GPC4: variants seen among roughly 807,000 people sequenced by gnomAD.
The protein encoded by GPC4 is glypican-4.
GPC4 carries 10 observed loss-of-function variants against 35.0 expected under a neutral mutation model. The ratio of observed to expected loss-of-function variants is 0.29; its 90% CI spans 0.18 to 0.48. The LOEUF is 0.48. GPC4 is among the 20% of genes least tolerant of loss of function. GPC4 has a pLI of 0.99. For synonymous variants in GPC4, 167 were observed against 170.2 expected (o/e 0.98, Z 0.15); for missense variants, 322 against 451.3 (o/e 0.71, Z 2.60).
intron 1 of GPC4, among the ~76,000 whole-genome samples, chrX:133,387,791 G>A (rs1253833294): frequency 8.9e-6 from 1 of 111,744 alleles, no homozygotes; most frequent in Non-Finnish European, 1.9e-5. Flanking sequence ...GACTTCTGAG[G>A]TCATAGCTTT....
At chrX:133,333,397 C>T (rs974806428) in intron 2 of GPC4, among the ~76,000 whole-genome samples, 1 of 112,900 alleles carries the variant, frequency 8.9e-6, no homozygotes, top group Non-Finnish European at 1.9e-5. Flanking sequence ...GCTGCACATG[C>T]ATTTTCAATC....
At chrX:133,353,105 T>G (rs1432568394) in intron 1 of GPC4, among the ~76,000 whole-genome samples, 1 of 111,841 alleles carries the variant, frequency 8.9e-6, no homozygotes, top group Non-Finnish European at 1.9e-5. Context: ...CATCTTCAGA[T>G]AACCCTAACC....
chrX:133,315,155 T>C (rs1416344329), intron 3 of GPC4, among the ~76,000 whole-genome samples: 1 of 108,058 alleles, frequency 9.3e-6, no homozygotes, highest in East Asian at 2.9e-4. Context: ...ATAATTATGG[T>C]TTGAGCATCC....
intron 1 of GPC4, among the ~76,000 whole-genome samples, chrX:133,377,109 G>A (rs910557341): frequency 1.8e-5 from 2 of 111,633 alleles, no homozygotes; most frequent in Non-Finnish European, 3.8e-5. Context: ...CTAGTTCCTC[G>A]AGACCCTCGG....
chrX:133,307,311 T>C (rs2068294842), intron 4 of GPC4, among the ~76,000 whole-genome samples: 1 of 112,098 alleles, frequency 8.9e-6, no homozygotes, highest in Non-Finnish European at 1.9e-5. Flanking sequence ...GAAAGCAGCA[T>C]AGGCATCAGC....
intron 1 of GPC4, among the ~76,000 whole-genome samples, chrX:133,376,484 T>C (rs1022280685): frequency 6.2e-5 from 7 of 112,764 alleles, no homozygotes; most frequent in African/African-American, 1.6e-4. Context: ...ACCTCCATGA[T>C]GGAATCTAAC....
intron 3 of GPC4, among the ~76,000 whole-genome samples, chrX:133,313,152 C>T (rs1427854726): frequency 9.0e-6 from 1 of 111,574 alleles, no homozygotes; most frequent in Non-Finnish European, 1.9e-5. Context: ...ACTTCACCTG[C>T]TCTGGAGTGT....
intron 1 of GPC4, chrX:133,414,564 A>T: frequency 4.0e-6 from 3 of 753,521 alleles, no homozygotes; most frequent in Non-Finnish European, 4.7e-6. Context: ...CGCACTGGGC[A>T]ACCCGGCGGC....
At chrX:133,367,747 A>G (rs56219440) in intron 1 of GPC4, among the ~76,000 whole-genome samples, 294 of 111,886 alleles carry the variant, frequency 2.6e-3, no homozygotes, top group Middle Eastern at 0.014. Flanking sequence ...GCCTGCCTGT[A>G]GTCCCAGCTA....
At chrX:133,335,430 G>A (rs1302385872) in intron 2 of GPC4, among the ~76,000 whole-genome samples, 2 of 110,777 alleles carry the variant, frequency 1.8e-5, no homozygotes, top group East Asian at 2.8e-4. Flanking sequence ...TCTCTTGTAC[G>A]TCACCCAAAT....
At chrX:133,334,864 A>G (rs775735736) in intron 2 of GPC4, among the ~76,000 whole-genome samples, 1 of 112,661 alleles carries the variant, frequency 8.9e-6, no homozygotes, top group African/African-American at 3.2e-5. Flanking sequence ...ACAGTTTGAT[A>G]CAGGCAGTTA....
At chrX:133,356,875 A>G (rs1603079702) in intron 1 of GPC4, among the ~76,000 whole-genome samples, 1 of 111,648 alleles carries the variant, frequency 9.0e-6, no homozygotes. Flanking sequence ...GAAACTCAAG[A>G]GAACAGAAAA....
intron 6 of GPC4, among the ~76,000 whole-genome samples, chrX:133,305,125 C>T (rs2068285199): frequency 8.9e-6 from 1 of 111,904 alleles, no homozygotes; most frequent in Non-Finnish European, 1.9e-5. Flanking sequence ...GCCTACCAGT[C>T]TCCATGCCCT....
intron 1 of GPC4, among the ~76,000 whole-genome samples, chrX:133,375,942 C>T (rs1459394312): frequency 1.8e-5 from 2 of 111,458 alleles, no homozygotes; most frequent in African/African-American, 6.5e-5. Context: ...AGTAAAAACT[C>T]GTTTAGGAAG....
At chrX:133,367,773 T>C (rs1426693342) in intron 1 of GPC4, among the ~76,000 whole-genome samples, 1 of 111,607 alleles carries the variant, frequency 9.0e-6, no homozygotes, top group Non-Finnish European at 1.9e-5. Context: ...GAGGCTGAAG[T>C]GAGAGGATCA....
At chrX:133,342,116 A>G (rs1472841215) in intron 1 of GPC4, among the ~76,000 whole-genome samples, 1 of 101,032 alleles carries the variant, frequency 9.9e-6, no homozygotes, top group East Asian at 3.1e-4. Context: ...GGCTCAATGC[A>G]ACCTCCGCCT....
intron 3 of GPC4, among the ~76,000 whole-genome samples, chrX:133,323,692 C>A (rs944386166): frequency 1.8e-5 from 2 of 112,097 alleles, no homozygotes; most frequent in African/African-American, 6.5e-5. Context: ...CACTTTCTAA[C>A]AAGGAAACAT....
intron 1 of GPC4, among the ~76,000 whole-genome samples, chrX:133,400,534 T>A (rs1361571889): frequency 2.7e-5 from 3 of 112,427 alleles, no homozygotes; most frequent in Non-Finnish European, 5.6e-5. Flanking sequence ...TGTATCCTTT[T>A]TATTCACTGT....
chrX:133,361,966 A>C lies in GPC4; in HGVS notation c.161-22625T>G, dbSNP rs149495048. 6.9e-3 allele frequency among the ~76,000 whole-genome samples: 761 copies of C among 110,875 alleles called. 10 individuals are homozygous for C. Among genetic ancestry groups the C allele is most frequent in the African/African-American group, 0.024 (731 of 30,508 alleles). On this transcript the variant is annotated intron_variant, in intron 1 of 8. Coordinates refer to ENST00000370828, the MANE Select transcript of GPC4 (RefSeq NM_001448.3). ...AATGGCTCATACCTGTAATCCCAGC[A>C]CTTTGGGGAGTCTGAGGCGGGAGGA... is the stretch of plus-strand genomic sequence containing the variant.
Sources: allele counts gnomAD v4.1 joint callset (sites outside exome capture counted in the v4.1 genomes callset), GRCh38; gene constraint gnomAD v4.1.1; transcripts MANE v1.5; gene names NCBI Gene and HGNC (gene_info 2026-07-23, HGNC 2026-07-21).